Variants in METTL15 observed in about 807,000 individuals in gnomAD.
METTL15 encodes 12S rRNA N(4)-cytidine methyltransferase METTL15.
Under a neutral mutation model 38.3 loss-of-function variants are expected in METTL15, and 34 were observed. That is an observed-to-expected ratio of 0.89 (90% CI 0.68 to 1.18). The LOEUF (loss-of-function observed/expected upper bound fraction) is 1.18. Ranked by LOEUF, METTL15 falls within the 50% of genes most tolerant of loss-of-function variation. METTL15 has a pLI of 0.00. For missense variants in METTL15, 438 were observed against 498.4 expected (o/e 0.88, Z 1.15); for synonymous variants, 162 against 170.9 (o/e 0.95, Z 0.41).
At chr11:28,377,019 C>T (rs202208270) in intron 5 of METTL15, among the ~76,000 whole-genome samples, 23,954 of 101,186 alleles carry the variant, frequency 0.24, 3,130 homozygotes, top group Middle Eastern at 0.37. Flanking sequence ...GGGTTTCTGC[C>T]GAGAGATCCG....
At chr11:28,347,922 C>T (rs1397298593) in intron 3 of METTL15, among the ~76,000 whole-genome samples, 1 of 152,178 alleles carries the variant, frequency 6.6e-6, no homozygotes, top group Non-Finnish European at 1.5e-5. Context: ...TGAAGATTGG[C>T]CAGTTGTGTT....
intron 5 of METTL15, among the ~76,000 whole-genome samples, chr11:28,376,218 TC>T (rs1201961356): frequency 2.6e-5 from 4 of 152,064 alleles, no homozygotes; most frequent in African/African-American, 9.7e-5. Context: ...TTCGTGGGTA[TC>T]CTTGTTGATT....
chr11:28,219,247 G>A (rs1053695854), intron 4 of METTL15, among the ~76,000 whole-genome samples: 3 of 152,048 alleles, frequency 2.0e-5, no homozygotes, highest in African/African-American at 7.2e-5. Context: ...GCCTGTTATT[G>A]GTCTATTCAG....
At chr11:28,441,355 G>A (rs922424802) in intron 6 of METTL15, among the ~76,000 whole-genome samples, 1 of 152,046 alleles carries the variant, frequency 6.6e-6, no homozygotes, top group African/African-American at 2.4e-5. Context: ...ATCACAATTT[G>A]TGGGGAAAGG....
At position 28,317,744 on chromosome 11, in the gene METTL15, A is replaced by T. The variant is rs1590315680; in HGVS notation, c.779-12652A>T. Reference sequence around the variant, plus strand: ...CACATACAAATTGTGTTCTATTATTATATGTAGTGCAGACTGTTACTAAGC... The same window carrying T: ...CACATACAAATTGTGTTCTATTATTTTATGTAGTGCAGACTGTTACTAAGC... On this transcript the variant is annotated intron_variant, in intron 6 of 6. Transcript: ENST00000407364. Among the ~76,000 whole-genome samples, 6 of 152,264 alleles carry T rather than the reference A, an allele frequency of 3.9e-5. No individual in the cohort carries two copies. The South Asian group carries it at 1.2e-3, about 32-fold the overall frequency.
Position 28,452,692 on chromosome 11 carries a change from G to A in METTL15, c.*424+28328G>A, listed in dbSNP as rs141965812. On this transcript the variant is annotated intron_variant and NMD_transcript_variant, in intron 6 of 7. Coordinates refer to the METTL15 transcript ENST00000532947. ...AGATTCAATTTTGTCCCTGCTACAGGATCCAGGCCAGACAGTGAGGGATAG... is the reference window on the plus strand; with the variant it reads ...AGATTCAATTTTGTCCCTGCTACAGAATCCAGGCCAGACAGTGAGGGATAG... Among the ~76,000 whole-genome samples, 86 of 152,272 alleles carry A rather than the reference G, an allele frequency of 5.6e-4. 1 individual carries two copies. The highest frequency in any genetic ancestry group is 9.1e-4 in the Admixed American group (14 of 15,304).
intron 6 of METTL15, among the ~76,000 whole-genome samples, chr11:28,444,518 G>A (rs1005497291): frequency 6.6e-6 from 1 of 152,150 alleles, no homozygotes; most frequent in Non-Finnish European, 1.5e-5. Flanking sequence ...TAAGCCCACA[G>A]AATTGGGATG....
At chr11:28,523,047 A>G (rs181546454) in intron 6 of METTL15, among the ~76,000 whole-genome samples, 1 of 152,336 alleles carries the variant, frequency 6.6e-6, no homozygotes, top group East Asian at 1.9e-4. Context: ...TATGGAGTAT[A>G]CTGATTTAGA....
chr11:28,385,612 C>G (rs1850431496), intron 5 of METTL15, among the ~76,000 whole-genome samples: 1 of 151,926 alleles, frequency 6.6e-6, no homozygotes, highest in African/African-American at 2.4e-5. Context: ...TTAGGATTGT[C>G]TTGGCTATTT....
chr11:28,112,962 T>A (rs1458857419), intron 2 of METTL15, among the ~76,000 whole-genome samples: 1 of 152,178 alleles, frequency 6.6e-6, no homozygotes, highest in Non-Finnish European at 1.5e-5. Flanking sequence ...TTTTAATTCA[T>A]TGAATCTACT....
At chr11:28,361,972 T>A (rs1169769248) in exon 5 of METTL15, 1 of 152,146 alleles carries the variant, frequency 6.6e-6, no homozygotes, top group African/African-American at 2.4e-5. Flanking sequence ...TTCTCCCAAC[T>A]TCATCTCAGT....
chr11:28,328,306 C>A, intron 6 of METTL15: 1 of 697,824 alleles, frequency 1.4e-6, no homozygotes, highest in Non-Finnish European at 2.3e-6. Context: ...AGAACCATCA[C>A]ACTGATTTGG....
intron 4 of METTL15, among the ~76,000 whole-genome samples, chr11:28,211,669 A>G (rs1852648155): frequency 6.6e-6 from 1 of 152,040 alleles, no homozygotes; most frequent in Non-Finnish European, 1.5e-5. Context: ...CCATCCTTCT[A>G]TCAGAAAAAG....
intron 5 of METTL15, among the ~76,000 whole-genome samples, chr11:28,376,949 G>A (rs959717568): frequency 7.7e-6 from 1 of 129,724 alleles, no homozygotes; most frequent in African/African-American, 2.6e-5. Flanking sequence ...GAAATTCTGG[G>A]TTGAAAATTC....
At chr11:28,376,242 G>A (rs537334214) in intron 5 of METTL15, among the ~76,000 whole-genome samples, 1 of 151,966 alleles carries the variant, frequency 6.6e-6, no homozygotes, top group Non-Finnish European at 1.5e-5. Context: ...CTGTCTCGTT[G>A]GTCTGTCTAA....
chr11:28,185,513 A>C (rs1307383209), intron 3 of METTL15, among the ~76,000 whole-genome samples: 1 of 151,424 alleles, frequency 6.6e-6, no homozygotes, highest in Non-Finnish European at 1.5e-5. Context: ...GTATATTATA[A>C]CTGTCAACCA....
chr11:28,182,127 T>C (rs1014172648), intron 3 of METTL15, among the ~76,000 whole-genome samples: 1 of 152,208 alleles, frequency 6.6e-6, no homozygotes, highest in Non-Finnish European at 1.5e-5. Context: ...CTTGTAAATT[T>C]GTTGAAGTTC....
chr11:28,389,486 A>AT (rs1011316471), intron 5 of METTL15, among the ~76,000 whole-genome samples: 9 of 144,854 alleles, frequency 6.2e-5, no homozygotes, highest in Non-Finnish European at 1.0e-4. Context: ...GCGGTGTTTG[A>AT]TTTTTTGTCC....
At chr11:28,207,126 C>T (rs1025729898) in intron 3 of METTL15, among the ~76,000 whole-genome samples, 1 of 149,812 alleles carries the variant, frequency 6.7e-6, no homozygotes, top group Non-Finnish European at 1.5e-5. Flanking sequence ...ATTGCCCTGG[C>T]CAGAACTTCC....
Sources: allele counts gnomAD v4.1 joint callset (sites outside exome capture counted in the v4.1 genomes callset), GRCh38; gene constraint gnomAD v4.1.1; transcripts MANE v1.5; gene names NCBI Gene and HGNC (gene_info 2026-07-23, HGNC 2026-07-21).